Variants in FGF9 observed in about 807,000 individuals in gnomAD.
FGF9 encodes the protein fibroblast growth factor 9.
A neutral mutation model predicts 19.9 loss-of-function variants in FGF9; 3 were observed. The observed-to-expected ratio is 0.15, with a 90% CI of 0.07 to 0.39. The LOEUF (loss-of-function observed/expected upper bound fraction) is 0.39, where lower values mean the gene tolerates loss of function less well. Among genes scored for constraint, FGF9 ranks in the 10% least tolerant of loss-of-function variants. The pLI, the probability that FGF9 is intolerant of heterozygous loss-of-function variation, is 1.00. For synonymous variants in FGF9, 107 were observed against 106.9 expected (o/e 1.00, Z -0.01); for missense variants, 175 against 256.8 (o/e 0.68, Z 2.18).
At chr13:21,698,133 C>T (rs538147975) in intron 2 of FGF9, among the ~76,000 whole-genome samples, 1 of 152,200 alleles carries the variant, frequency 6.6e-6, no homozygotes, top group Admixed American at 6.5e-5. Flanking sequence ...TTTTACTATG[C>T]TTAGTGAAAA....
At chr13:21,682,691 TCA>T (rs1593093460) in intron 2 of FGF9, among the ~76,000 whole-genome samples, 1 of 143,706 alleles carries the variant, frequency 7.0e-6, no homozygotes, top group South Asian at 2.2e-4. Flanking sequence ...TGTCACAACT[TCA>T]GTTTTTTTTT....
At position 21,701,837 on chromosome 13, in the gene FGF9, A is replaced by G. The variant is rs1444793019; in HGVS notation, c.*402A>G. On this transcript the variant is annotated 3_prime_UTR_variant, in exon 3 of 3. Coordinates refer to ENST00000382353, the MANE Select transcript of FGF9 (RefSeq NM_002010.3). ...ACGCTTTTCATTTCTGATCAGTTGTACTTCATCCTATATCAGCACAGCTGC... is the reference window on the plus strand; with the variant it reads ...ACGCTTTTCATTTCTGATCAGTTGTGCTTCATCCTATATCAGCACAGCTGC... The G allele has an allele frequency of 1.2e-5, 3 of 253,528 alleles. No individual in the cohort carries two copies. The highest frequency in any genetic ancestry group is 2.2e-5 in the African/African-American group (1 of 44,958). 15.7% of individuals were successfully genotyped at this position (253,528 alleles called of 1,614,324 possible). A position where few individuals can be genotyped will look rare whatever the true frequency, so the allele number is the denominator to read the frequency against.
At chr13:21,690,308 TCACA>T (rs997729066) in intron 2 of FGF9, among the ~76,000 whole-genome samples, 1 of 152,148 alleles carries the variant, frequency 6.6e-6, no homozygotes, top group Non-Finnish European at 1.5e-5. Context: ...ACTCATTTGC[TCACA>T]CACATTCTTC....
intron 2 of FGF9, 128 bp from the exon 3 acceptor site, chr13:21,701,062 G>C (rs17840925): frequency 2.9e-6 from 2 of 699,734 alleles, no homozygotes; most frequent in African/African-American, 3.6e-5. Context: ...TGTAGGATGC[G>C]CAGGTTTGTT....
intron 2 of FGF9, among the ~76,000 whole-genome samples, chr13:21,682,383 A>G (rs888694855): frequency 1.2e-4 from 19 of 152,182 alleles, no homozygotes; most frequent in African/African-American, 4.3e-4. Flanking sequence ...GAAGCTTAGA[A>G]TGAGGAAAGA....
intron 1 of FGF9, 118 bp from the exon 2 acceptor site, chr13:21,680,924 G>T: frequency 2.7e-6 from 2 of 729,612 alleles, no homozygotes; most frequent in South Asian, 1.5e-5. Flanking sequence ...AACTAGCGTG[G>T]GGTTATCCAA....
intron 2 of FGF9, among the ~76,000 whole-genome samples, chr13:21,699,444 A>G (rs553753458): frequency 1.3e-5 from 2 of 152,358 alleles, no homozygotes; most frequent in Admixed American, 1.3e-4. Flanking sequence ...TTCCAAACAC[A>G]TAGAAGAGCA....
rs114463553 is a variant in FGF9 at position 21,685,312 on chromosome 13, T to C, written c.381+4167T>C. 6.1e-3 allele frequency among the ~76,000 whole-genome samples: 936 copies of C among 152,324 alleles called. 10 individuals are homozygous for C. The highest frequency in any genetic ancestry group is 0.022 in the African/African-American group (898 of 41,574). The stretch of plus-strand genomic sequence containing the variant: ...AAATGTGAAATTCATTTAAAGCGTA[T>C]TTTCCTATTTTGGGATTAATTTTCT... On this transcript the variant is annotated intron_variant, in intron 2 of 2. Transcript: ENST00000382353.
intron 1 of FGF9, among the ~76,000 whole-genome samples, chr13:21,676,177 G>C (rs1871911049): frequency 6.6e-6 from 1 of 152,276 alleles, no homozygotes; most frequent in East Asian, 1.9e-4. Context: ...CGCTGGGCCT[G>C]ATCTGCTATT....
rs972574874 is a variant in FGF9 at position 21,703,780 on chromosome 13, A to G, written c.*2345A>G. On this transcript the variant is annotated 3_prime_UTR_variant, in exon 3 of 3. Coordinates refer to ENST00000382353, the MANE Select transcript of FGF9 (RefSeq NM_002010.3). ...GTCTTAAAGTAGCATGAGACCTTAG[A>G]TAATCGACCTAAAAGAAAGAAAATT... The G allele has an allele frequency of 6.6e-6, 1 of 152,160 alleles. No individual in the cohort carries two copies. The highest frequency in any genetic ancestry group is 1.5e-5 in the Non-Finnish European group (1 of 68,034). 9.4% of individuals were successfully genotyped at this position (152,160 alleles called of 1,614,324 possible).
rs1352104938 is a variant in FGF9 at position 21,681,064 on chromosome 13, A to C, written c.300A>C (p.Ile100=). 3.7e-6 allele frequency: 6 copies of C among 1,613,738 alleles called. No homozygotes were observed. The highest frequency in any genetic ancestry group is 3.3e-4 in the Middle Eastern group (2 of 6,084). Residue 100 remains isoleucine, a synonymous_variant, in exon 2 of 3, where the codon ATA becomes ATC. Transcript: ENST00000382353. ...SRFGILEFIS[I]AVGLVSIRGV... Reference sequence around the variant, plus strand: ...CAGGCATTCTGGAATTTATCAGTATAGCAGTGGGCCTGGTCAGCATTCGAG... The same window carrying C: ...CAGGCATTCTGGAATTTATCAGTATCGCAGTGGGCCTGGTCAGCATTCGAG...
rs572381412 is a variant in FGF9 at position 21,704,220 on chromosome 13, G to A, written c.*2785G>A. On this transcript the variant is annotated 3_prime_UTR_variant, in exon 3 of 3. Transcript: ENST00000382353. ...TCTTGTTGGTGCCAACACTTGCACT[G>A]TGGTCAAAGACTTACCGAGCATGGG... is the stretch of plus-strand genomic sequence containing the variant. 3 of 152,302 alleles carry A rather than the reference G, an allele frequency of 2.0e-5. No individual in the cohort carries two copies. The highest frequency in any genetic ancestry group is 7.2e-5 in the African/African-American group (3 of 41,560). 9.4% of individuals were successfully genotyped at this position (152,302 alleles called of 1,614,324 possible). A position where few individuals can be genotyped will look rare whatever the true frequency, so the allele number is the denominator to read the frequency against.
chr13:21,686,813 T>C (rs1168063271), intron 2 of FGF9, among the ~76,000 whole-genome samples: 1 of 152,222 alleles, frequency 6.6e-6, no homozygotes, highest in Admixed American at 6.5e-5. Context: ...CGAATAGTGA[T>C]AGCACTGATA....
intron 2 of FGF9, among the ~76,000 whole-genome samples, chr13:21,687,738 G>A (rs534414649): frequency 3.3e-5 from 5 of 152,328 alleles, no homozygotes; most frequent in African/African-American, 9.6e-5. Context: ...TGTACTCAGT[G>A]TGCCTTTTCT....
At chr13:21,682,014 CTTT>C (rs1180691495) in intron 2 of FGF9, among the ~76,000 whole-genome samples, 4 of 142,276 alleles carry the variant, frequency 2.8e-5, no homozygotes, top group Admixed American at 7.1e-5. Context: ...TCTTTTCTTT[CTTT>C]TTTTTTTTTT....
intron 1 of FGF9, among the ~76,000 whole-genome samples, chr13:21,679,807 AG>A (rs1474508166): frequency 1.3e-5 from 2 of 149,306 alleles, no homozygotes; most frequent in Admixed American, 1.3e-4. Flanking sequence ...AAAAAAATTT[AG>A]CCCAGCGTGG....
intron 2 of FGF9, among the ~76,000 whole-genome samples, chr13:21,697,507 C>T (rs185577644): frequency 1.3e-5 from 2 of 152,194 alleles, no homozygotes; most frequent in Admixed American, 1.3e-4. Flanking sequence ...TGTGCGTGAA[C>T]GATGCTCTAA....
chr13:21,675,239 A>T (rs562513233), intron 1 of FGF9, among the ~76,000 whole-genome samples: 129 of 151,650 alleles, frequency 8.5e-4, no homozygotes, highest in African/African-American at 3.0e-3. Flanking sequence ...GGGGGTGGGG[A>T]AGCAGGGTGA....
In FGF9 at chr13:21,701,463, T is replaced by C; in HGVS notation, c.*28T>C. 2 of 1,613,744 alleles carry C rather than the reference T, an allele frequency of 1.2e-6. No homozygotes were observed. The highest frequency in any genetic ancestry group is 1.7e-6 in the Non-Finnish European group (2 of 1,179,702). On this transcript the variant is annotated 3_prime_UTR_variant, in exon 3 of 3. Coordinates refer to ENST00000382353, the MANE Select transcript of FGF9 (RefSeq NM_002010.3). ...AAGACAGTTTCTTCACTTGAGCCCT[T>C]AAAAAAGTAACCACTATAAAGGTTT...
Sources: allele counts gnomAD v4.1 joint callset (sites outside exome capture counted in the v4.1 genomes callset), GRCh38; gene constraint gnomAD v4.1.1; transcripts MANE v1.5; gene names NCBI Gene and HGNC (gene_info 2026-07-23, HGNC 2026-07-21).